Variants in SPTLC3 observed in about 807,000 individuals in gnomAD.
SPTLC3 encodes the protein serine palmitoyltransferase long chain base subunit 3.
In SPTLC3, 36 loss-of-function variants were observed where a neutral mutation model predicts 59.3. The observed-to-expected ratio is 0.61, with a 90% CI of 0.47 to 0.80. The LOEUF (loss-of-function observed/expected upper bound fraction) is 0.80, where lower values mean the gene tolerates loss of function less well. Among genes scored for constraint, SPTLC3 ranks in the 30% least tolerant of loss-of-function variants. The pLI, the probability that SPTLC3 is intolerant of heterozygous loss-of-function variation, is 0.00. For synonymous variants in SPTLC3, 257 were observed against 240.8 expected (o/e 1.07, Z -0.62); for missense variants, 625 against 685.1 (o/e 0.91, Z 0.98).
chr20:13,096,763 T>C (rs941977489), intron 6 of SPTLC3, among the ~76,000 whole-genome samples: 4 of 152,120 alleles, frequency 2.6e-5, no homozygotes, highest in Admixed American at 1.3e-4. Flanking sequence ...TGTTTCCCTG[T>C]AAGTAAATTT....
intron 7 of SPTLC3, among the ~76,000 whole-genome samples, chr20:13,114,311 A>G (rs1990412277): frequency 6.6e-6 from 1 of 152,230 alleles, no homozygotes; most frequent in Admixed American, 6.5e-5. Context: ...ATTAAGTATC[A>G]TTTTAAAATC....
In SPTLC3 at chr20:13,141,010, C is replaced by T. The variant is rs999289419; in HGVS notation, c.1280-12993C>T. 3.3e-5 allele frequency among the ~76,000 whole-genome samples: 5 copies of T among 152,046 alleles called. No individual in the cohort carries two copies. The South Asian group carries it at 8.3e-4, about 25-fold the overall frequency. On this transcript the variant is annotated intron_variant, in intron 9 of 11. Transcript: ENST00000399002. ...GTGACCTACAACCTTTGCTCTGGTC[C>T]CTGCAACAAGGCACACATATTTTTA...
intron 4 of SPTLC3, among the ~76,000 whole-genome samples, chr20:13,088,306 TTTGTTG>T (rs200006260): frequency 2.0e-5 from 3 of 152,088 alleles, no homozygotes; most frequent in African/African-American, 7.2e-5. Flanking sequence ...ACACTTGTTT[TTTGTTG>T]TTGTTGTTGT....
chr20:13,037,382 A>G (rs1877887397), intron 1 of SPTLC3, among the ~76,000 whole-genome samples: 1 of 152,188 alleles, frequency 6.6e-6, no homozygotes, highest in South Asian at 2.1e-4. Context: ...ATATGACCAT[A>G]AGGTAGACAA....
At chr20:13,145,304 A>C (rs1258645552) in intron 9 of SPTLC3, among the ~76,000 whole-genome samples, 1 of 152,198 alleles carries the variant, frequency 6.6e-6, no homozygotes, top group African/African-American at 2.4e-5. Flanking sequence ...AGGAAACAAA[A>C]TCAATGTACT....
chr20:13,067,513 A>T (rs764828705), intron 2 of SPTLC3, among the ~76,000 whole-genome samples: 1 of 151,676 alleles, frequency 6.6e-6, no homozygotes, highest in Non-Finnish European at 1.5e-5. Flanking sequence ...CATTGATGAC[A>T]CTCTTGATGG....
intron 1 of SPTLC3, among the ~76,000 whole-genome samples, chr20:13,040,046 CGT>C (rs3038800): frequency 0.12 from 17,950 of 147,868 alleles, 1,121 homozygotes; most frequent in African/African-American, 0.17. Context: ...TATGCATGTA[CGT>C]GTGTGTGTGT....
intron 9 of SPTLC3, among the ~76,000 whole-genome samples, chr20:13,138,847 CA>C (rs1160086858): frequency 6.6e-6 from 1 of 152,126 alleles, no homozygotes; most frequent in African/African-American, 2.4e-5. Flanking sequence ...TAATTCAAGC[CA>C]ATGCTACTTA....
rs34805419 is a variant in SPTLC3, at chr20:13,076,619, CA to C, written c.607+2132del. On this transcript the variant is annotated intron_variant, in intron 4 of 11. Coordinates refer to ENST00000399002, the MANE Select transcript of SPTLC3 (RefSeq NM_018327.4). Reference sequence around the variant, plus strand: ...ACTTAGATGACAGATATTATTTTGACAAAAAAAAAATGTACCTAAAACAGAT... The same window carrying C: ...ACTTAGATGACAGATATTATTTTGACAAAAAAAAATGTACCTAAAACAGAT... Among the ~76,000 whole-genome samples the C allele has an allele frequency of 2.5e-3, 368 of 146,572 alleles. 1 individual carries two copies. Among genetic ancestry groups the C allele is most frequent in the African/African-American group, 8.3e-3 (333 of 40,308 alleles).
chr20:13,136,151 T>C (rs1397607404), intron 9 of SPTLC3, among the ~76,000 whole-genome samples: 3 of 152,132 alleles, frequency 2.0e-5, no homozygotes, highest in African/African-American at 7.2e-5. Context: ...TGTCCCTCTC[T>C]GCCCTTAAAC....
At chr20:13,041,295 G>T (rs1158045546) in intron 1 of SPTLC3, among the ~76,000 whole-genome samples, 14 of 151,126 alleles carry the variant, frequency 9.3e-5, no homozygotes, top group Non-Finnish European at 1.5e-5. Flanking sequence ...TGGTTTTTTT[G>T]TTTGTTTGTA....
At chr20:13,050,487 T>C (rs931719521) in intron 2 of SPTLC3, 2 of 152,108 alleles carry the variant, frequency 1.3e-5, no homozygotes, top group Non-Finnish European at 2.9e-5. Context: ...AAGAAGAGAA[T>C]TCTAAAAGCC....
At chr20:13,131,091 T>C (rs1353875595) in intron 9 of SPTLC3, among the ~76,000 whole-genome samples, 4 of 151,070 alleles carry the variant, frequency 2.6e-5, no homozygotes, top group Non-Finnish European at 5.9e-5. Context: ...ATAGCACACA[T>C]AGCCTCAGGA....
intron 1 of SPTLC3, among the ~76,000 whole-genome samples, chr20:13,018,863 T>A (rs761139132): frequency 4.6e-5 from 7 of 152,170 alleles, no homozygotes; most frequent in Non-Finnish European, 8.8e-5. Flanking sequence ...GGTATTACAA[T>A]CTATAAATTT....
chr20:13,113,951 T>A (rs1990389386), intron 7 of SPTLC3, among the ~76,000 whole-genome samples: 1 of 152,198 alleles, frequency 6.6e-6, no homozygotes, highest in Admixed American at 6.5e-5. Flanking sequence ...AGCCTCCAAG[T>A]ATTCCTGAAG....
At chr20:13,087,663 C>T (rs546376467) in intron 4 of SPTLC3, among the ~76,000 whole-genome samples, 1 of 152,276 alleles carries the variant, frequency 6.6e-6, no homozygotes, top group African/African-American at 2.4e-5. Flanking sequence ...ATCTATGACA[C>T]CATCATAGAA....
rs1985090038 is a variant in SPTLC3, at chr20:13,009,189, A to G, written c.-79A>G. ...GCTCAGCCCCAAAGAGCTTTATCCC[A>G]TCCCCTCGCAGACTGAAAACTAAAG... On this transcript the variant is annotated 5_prime_UTR_variant, in exon 1 of 12. Coordinates refer to ENST00000399002, the MANE Select transcript of SPTLC3 (RefSeq NM_018327.4). 8 of 1,133,612 alleles carry G rather than the reference A, an allele frequency of 7.1e-6. No individual in the cohort carries two copies. Among genetic ancestry groups the G allele is most frequent in the East Asian group, 4.7e-5 (2 of 42,606 alleles). The allele number at this position is 1,133,612 out of a possible 1,614,324, so 70.2% of individuals were successfully genotyped here. A position where few individuals can be genotyped will look rare whatever the true frequency, so the allele number is the denominator to read the frequency against.
rs559198092 is a variant in SPTLC3 at position 13,059,110 on chromosome 20, C to A, written c.303+9980C>A. Among the ~76,000 whole-genome samples, 97 of 152,280 alleles carry A rather than the reference C, an allele frequency of 6.4e-4. 1 individual carries two copies. The highest frequency in any genetic ancestry group is 3.9e-3 in the Admixed American group (60 of 15,290). The stretch of plus-strand genomic sequence containing the variant: ...TTTTGGCCTTGACCAGGTCACAATG[C>A]TCCTATAAATCTTTAACAAAACATA... On this transcript the variant is annotated intron_variant, in intron 2 of 11. Transcript: ENST00000399002.
intron 2 of SPTLC3, among the ~76,000 whole-genome samples, chr20:13,051,934 G>C (rs1568579146): frequency 6.6e-6 from 1 of 152,130 alleles, no homozygotes; most frequent in Non-Finnish European, 1.5e-5. Flanking sequence ...GCAGTGCTAA[G>C]AGAAAGTTCA....
Sources: gnomAD v4.1 joint callset for allele counts (sites outside exome capture counted in the v4.1 genomes callset) on GRCh38, gnomAD v4.1.1 for gene constraint, MANE v1.5 for transcripts, NCBI Gene and HGNC (gene_info 2026-07-23, HGNC 2026-07-21) for gene names.